The following AGTPBP1 variants were observed in gnomAD, a reference collection of about 807,000 sequenced individuals.
AGTPBP1 encodes the protein ATP/GTP binding carboxypeptidase 1, also known as cytosolic carboxypeptidase 1.
AGTPBP1 carries 70 observed loss-of-function variants against 143.9 expected under a neutral mutation model. The observed-to-expected ratio is 0.49, with a 90% CI of 0.40 to 0.59. The LOEUF is 0.59. Among genes scored for constraint, AGTPBP1 ranks in the 20% least tolerant of loss-of-function variants. The pLI is 0.00. For synonymous variants in AGTPBP1, 463 were observed against 500.2 expected, an observed-to-expected ratio of 0.93 and a Z score of 0.99; for missense variants, 1,229 against 1,464.5, an observed-to-expected ratio of 0.84 and a Z score of 2.62.
chr9:85,789,665 G>A, the AGTPBP1 span, among the ~76,000 whole-genome samples: 61,854 of 151,884 alleles, frequency 0.41, 14,611 homozygotes, highest in African/African-American at 0.65. Context: ...TCAATTCTTC[G>A]TATCTTCATG....
At chr9:85,619,178 G>GT (rs1185525487) in intron 16 of AGTPBP1, 37 bp downstream of exon 16, 1 of 1,609,752 alleles carries the variant, frequency 6.2e-7, no homozygotes, top group East Asian at 2.2e-5. Context: ...GGAAATATCT[G>GT]TGCACATACA....
At chr9:85,684,713 C>A (rs1215101215) in intron 3 of AGTPBP1, among the ~76,000 whole-genome samples, 1 of 152,156 alleles carries the variant, frequency 6.6e-6, no homozygotes, top group Admixed American at 6.5e-5. Flanking sequence ...GAACTTTAAA[C>A]TTCCTAACAC....
intron 25 of AGTPBP1, among the ~76,000 whole-genome samples, chr9:85,568,158 T>C (rs1827229096): frequency 6.6e-6 from 1 of 152,212 alleles, no homozygotes; most frequent in Non-Finnish European, 1.5e-5. Context: ...ACAAACTCTT[T>C]GTTACTGGCC....
chr9:85,803,774 G>A, the AGTPBP1 span, among the ~76,000 whole-genome samples: 1 of 152,196 alleles, frequency 6.6e-6, no homozygotes, highest in Non-Finnish European at 1.5e-5. Flanking sequence ...CCGTCTGGCT[G>A]TCTTGACAAC....
chr9:85,576,175 TA>T (rs1827887794), intron 24 of AGTPBP1, among the ~76,000 whole-genome samples: 1 of 152,142 alleles, frequency 6.6e-6, no homozygotes, highest in Admixed American at 6.5e-5. Context: ...CATAAAACCA[TA>T]AAAATGGCCT....
At chr9:85,730,438 C>T (rs1408753230) in intron 1 of AGTPBP1, among the ~76,000 whole-genome samples, 1 of 152,188 alleles carries the variant, frequency 6.6e-6, no homozygotes, top group East Asian at 1.9e-4. Context: ...AGTTCCAGGG[C>T]ATTCACTTGG....
intron 1 of AGTPBP1, among the ~76,000 whole-genome samples, chr9:85,720,532 T>A (rs922223385): frequency 2.6e-5 from 4 of 152,218 alleles, no homozygotes; most frequent in Non-Finnish European, 5.9e-5. Flanking sequence ...TGTTATTGCA[T>A]CTATTTGATT....
chr9:85,747,414 G>A, the AGTPBP1 span, among the ~76,000 whole-genome samples: 2 of 152,158 alleles, frequency 1.3e-5, no homozygotes, highest in South Asian at 4.2e-4. Flanking sequence ...TGCAAAAAAG[G>A]CCATTGGAAT....
In AGTPBP1 at chr9:85,578,308, G is replaced by A. The variant is rs567350805; in HGVS notation, c.3342+612C>T. Among the ~76,000 whole-genome samples the A allele has an allele frequency of 3.2e-4, 49 of 152,262 alleles. No homozygotes were observed. The South Asian group carries it at 9.7e-3, about 30-fold the overall frequency. On this transcript the variant is annotated intron_variant, in intron 24 of 25. Transcript: ENST00000357081. ...AGAAAAAAGTTTACTAACAGGATATGTATTTAAAAGTCACACATAAGGCTG... is the reference window on the plus strand; with the variant it reads ...AGAAAAAAGTTTACTAACAGGATATATATTTAAAAGTCACACATAAGGCTG...
chr9:85,723,489 A>G (rs1333813062), intron 1 of AGTPBP1, among the ~76,000 whole-genome samples: 1 of 152,152 alleles, frequency 6.6e-6, no homozygotes, highest in Non-Finnish European at 1.5e-5. Flanking sequence ...TGGGCGTGAG[A>G]CCTGCTGAGC....
chr9:85,658,823 G>T (rs1347525951), intron 9 of AGTPBP1, among the ~76,000 whole-genome samples: 1 of 152,124 alleles, frequency 6.6e-6, no homozygotes, highest in Non-Finnish European at 1.5e-5. Context: ...TTATGTGAAG[G>T]CTTTAAACCC....
intron 3 of AGTPBP1, among the ~76,000 whole-genome samples, chr9:85,686,856 A>G (rs1285142125): frequency 1.3e-5 from 2 of 152,290 alleles, no homozygotes; most frequent in East Asian, 3.9e-4. Flanking sequence ...GAAGAATGTA[A>G]AAGACATGAA....
intron 18 of AGTPBP1, among the ~76,000 whole-genome samples, chr9:85,595,257 T>C (rs956781306): frequency 1.9e-4 from 29 of 152,114 alleles, no homozygotes; most frequent in Non-Finnish European, 3.1e-4. Flanking sequence ...TTCTAATTGA[T>C]AAAACTAAAA....
chr9:85,679,993 A>G (rs1835070702), intron 4 of AGTPBP1, among the ~76,000 whole-genome samples: 2 of 152,180 alleles, frequency 1.3e-5, no homozygotes, highest in Admixed American at 1.3e-4. Context: ...GGAAGTCATG[A>G]TTCAATGTTA....
rs1287483960 is a variant in AGTPBP1 at position 85,547,264 on chromosome 9, C to T, written c.3526G>A (p.Glu1176Lys). The T allele has an allele frequency of 2.5e-6, 4 of 1,611,560 alleles. No individual in the cohort carries two copies. Among genetic ancestry groups the T allele is most frequent in the Non-Finnish European group, 3.4e-6 (4 of 1,179,158 alleles). Residue 1176 changes from glutamate to lysine, a missense_variant, in exon 26 of 26, where the codon GAA (glutamate) becomes AAA (lysine). This residue lies in a region of AGTPBP1 where 486 missense variants were observed against 652.3 expected (regional missense o/e 0.75). Coordinates refer to ENST00000357081, the MANE Select transcript of AGTPBP1 (RefSeq NM_001330701.2). Reference sequence around the variant, plus strand: ...TCTTCAAGGAATCGAGGTTCATCTTCATCCAAGACATAAGTGGTAGGGCTG... The same window carrying T: ...TCTTCAAGGAATCGAGGTTCATCTTTATCCAAGACATAAGTGGTAGGGCTG... ...VTSPTTYVLD[E>K]DEPRFLEEVD... is the part of the protein sequence containing the mutation.
intron 17 of AGTPBP1, among the ~76,000 whole-genome samples, chr9:85,597,409 A>T (rs1829364845): frequency 6.6e-6 from 1 of 152,002 alleles, no homozygotes; most frequent in African/African-American, 2.4e-5. Context: ...CATTTAGATA[A>T]ATGAAACCTC....
chr9:85,603,979 C>A (rs913005496), intron 17 of AGTPBP1, among the ~76,000 whole-genome samples: 4 of 152,176 alleles, frequency 2.6e-5, no homozygotes, highest in Non-Finnish European at 5.9e-5. Flanking sequence ...GAATAGAACA[C>A]CAAGTAGATT....
At chr9:85,764,611 A>G in the AGTPBP1 span, 6 of 582,664 alleles carry the variant, frequency 1.0e-5, no homozygotes, top group Admixed American at 1.9e-4. Flanking sequence ...CTAAAAATAT[A>G]TTCATTTAGC....
At chr9:85,633,749 T>G (rs1831842433) in intron 13 of AGTPBP1, among the ~76,000 whole-genome samples, 1 of 152,152 alleles carries the variant, frequency 6.6e-6, no homozygotes, top group African/African-American at 2.4e-5. Context: ...TCTCAAGCAC[T>G]TAAGACACTT....
Sources: allele counts gnomAD v4.1 joint callset (sites outside exome capture counted in the v4.1 genomes callset), GRCh38; gene constraint gnomAD v4.1.1; regional missense constraint gnomAD v4.1.1; transcripts MANE v1.5; gene names NCBI Gene and HGNC (gene_info 2026-07-23, HGNC 2026-07-21).